Variants in VCF2 observed in about 807,000 individuals in gnomAD.
VCF2 encodes the protein protein VCF2.
chrX:55,160,335 G>T, the VCF2 span, among the ~76,000 whole-genome samples: 3 of 112,252 alleles, frequency 2.7e-5, no homozygotes. Flanking sequence ...TGAGTATTTT[G>T]CGCTCAAGTT....
the VCF2 span, among the ~76,000 whole-genome samples, chrX:55,157,192 G>A: frequency 8.9e-6 from 1 of 112,445 alleles, no homozygotes; most frequent in African/African-American, 3.2e-5. Context: ...AACGTGATGA[G>A]AATGACTCCA....
At chrX:55,157,813 A>G in the VCF2 span, among the ~76,000 whole-genome samples, 4 of 111,600 alleles carry the variant, frequency 3.6e-5, no homozygotes, top group East Asian at 5.6e-4. Context: ...GTATATCTAC[A>G]TAATATTCCA....
the VCF2 span, among the ~76,000 whole-genome samples, chrX:55,154,479 C>G: frequency 8.9e-6 from 1 of 112,154 alleles, no homozygotes; most frequent in Admixed American, 9.4e-5. Flanking sequence ...AGAGCCCTTG[C>G]AAATTCACAC....
chrX:55,159,669 G>A, the VCF2 span, among the ~76,000 whole-genome samples: 1 of 111,856 alleles, frequency 8.9e-6, no homozygotes, highest in Non-Finnish European at 1.9e-5. Flanking sequence ...GTGGTGTAGC[G>A]ACACTGAAGA....
At chrX:55,155,710 C>T in the VCF2 span, among the ~76,000 whole-genome samples, 1 of 110,498 alleles carries the variant, frequency 9.0e-6, no homozygotes, top group African/African-American at 3.3e-5. Flanking sequence ...GGAAAAGACA[C>T]AGTACTTGAG....
At chrX:55,152,990 A>G in the VCF2 span, among the ~76,000 whole-genome samples, 2 of 112,511 alleles carry the variant, frequency 1.8e-5, no homozygotes, top group African/African-American at 6.5e-5. Context: ...AGTGAAAGGC[A>G]GATCAAGGAC....
the VCF2 span, among the ~76,000 whole-genome samples, chrX:55,160,479 T>A: frequency 8.9e-6 from 1 of 112,810 alleles, no homozygotes; most frequent in Non-Finnish European, 1.9e-5. Context: ...TAATCTCATT[T>A]TTTAAAATGC....
chrX:55,153,089 G>A, the VCF2 span, among the ~76,000 whole-genome samples: 4 of 111,762 alleles, frequency 3.6e-5, no homozygotes, highest in Admixed American at 3.8e-4. Flanking sequence ...CTGAATCAAT[G>A]TACATCATAC....
the VCF2 span, among the ~76,000 whole-genome samples, chrX:55,157,174 T>C: frequency 1.8e-5 from 2 of 112,653 alleles, no homozygotes; most frequent in Non-Finnish European, 3.8e-5. Flanking sequence ...TTAGAATTTA[T>C]GTGATCAAAC....
the VCF2 span, among the ~76,000 whole-genome samples, chrX:55,147,475 A>C: frequency 4.0e-4 from 45 of 111,157 alleles, no homozygotes; most frequent in African/African-American, 1.4e-3. Flanking sequence ...ATTCAAAAAG[A>C]AAATTAAAAA....
chrX:55,147,420 T>A, the VCF2 span, among the ~76,000 whole-genome samples: 1 of 110,666 alleles, frequency 9.0e-6, no homozygotes, highest in Non-Finnish European at 1.9e-5. Context: ...ATGTGAGAGT[T>A]AGCAATAGCA....
the VCF2 span, among the ~76,000 whole-genome samples, chrX:55,154,290 C>T: frequency 1.8e-5 from 2 of 111,684 alleles, no homozygotes; most frequent in Non-Finnish European, 3.8e-5. Flanking sequence ...AGATTTTAAG[C>T]ACTTTAGTAT....
the VCF2 span, among the ~76,000 whole-genome samples, chrX:55,152,623 C>T: frequency 9.0e-6 from 1 of 111,630 alleles, no homozygotes; most frequent in Non-Finnish European, 1.9e-5. Flanking sequence ...ATCATTAGGC[C>T]AAGGGAAAAT....
At chrX:55,154,437 T>C in the VCF2 span, among the ~76,000 whole-genome samples, 2 of 112,655 alleles carry the variant, frequency 1.8e-5, no homozygotes, top group Non-Finnish European at 3.7e-5. Context: ...ATAGGTTTAA[T>C]GCTTGATATC....
chrX:55,155,942 T>TTC, the VCF2 span, among the ~76,000 whole-genome samples: 3 of 64,803 alleles, frequency 4.6e-5, no homozygotes, highest in East Asian at 7.3e-4. Context: ...CTTCTTCTTC[T>TTC]TTTTTTTTTT....
chrX:55,146,946 G>T, the VCF2 span, among the ~76,000 whole-genome samples: 3 of 112,074 alleles, frequency 2.7e-5, no homozygotes, highest in East Asian at 5.6e-4. Flanking sequence ...AGCATTTTAT[G>T]ACTAGTATTC....
chrX:55,160,767 C>CA, the VCF2 span: 1 of 1,086,715 alleles, frequency 9.2e-7, no homozygotes, highest in African/African-American at 1.8e-5. Flanking sequence ...GAGGAAATGC[C>CA]AATTTGAAAA....
chrX:55,156,983 A>G, the VCF2 span, among the ~76,000 whole-genome samples: 1 of 112,445 alleles, frequency 8.9e-6, no homozygotes, highest in African/African-American at 3.2e-5. Flanking sequence ...CTTAAAATGT[A>G]CAAAATAGAT....
chrX:55,150,071 A>C, the VCF2 span, among the ~76,000 whole-genome samples: 2 of 112,351 alleles, frequency 1.8e-5, no homozygotes, highest in East Asian at 5.6e-4. Flanking sequence ...CCTGACGCCC[A>C]AAAGAGACAT....
Sources: allele counts gnomAD v4.1 joint callset (sites outside exome capture counted in the v4.1 genomes callset), GRCh38; gene constraint gnomAD v4.1.1; transcripts MANE v1.5; gene names NCBI Gene and HGNC (gene_info 2026-07-23, HGNC 2026-07-21).